Variants in RAB3C observed in about 807,000 individuals in gnomAD.
RAB3C encodes RAB3C, member RAS oncogene family, also known as ras-related protein Rab-3C.
In RAB3C, 17 loss-of-function variants were observed where a neutral mutation model predicts 26.4. That is an observed-to-expected ratio of 0.64 (90% CI 0.44 to 0.97). The LOEUF is 0.97. RAB3C is among the 50% of genes least tolerant of loss of function. The pLI is 0.00. For missense variants in RAB3C, 242 were observed against 281.9 expected, an observed-to-expected ratio of 0.86 and a Z score of 1.01; for synonymous variants, 91 against 95.9, an observed-to-expected ratio of 0.95 and a Z score of 0.30.
chr5:58,766,002 C>A (rs1457040675), intron 3 of RAB3C, among the ~76,000 whole-genome samples: 7 of 152,132 alleles, frequency 4.6e-5, no homozygotes, highest in Non-Finnish European at 7.3e-5. Flanking sequence ...TCCTTTTCAC[C>A]TTCTGCCATA....
Position 58,583,104 on chromosome 5 carries a change from C to A in RAB3C, c.-105C>A. On this transcript the variant is annotated 5_prime_UTR_variant, in exon 1 of 5. Coordinates refer to ENST00000282878, the MANE Select transcript of RAB3C (RefSeq NM_138453.4). ...CTGATGTTGGAGCCGGTTAGCGAAC[C>A]CCAAGAGTGCAGAGTGTGGAGCGTG... The A allele has an allele frequency of 6.3e-7, 1 of 1,587,372 alleles. No individual in the cohort carries two copies. Among genetic ancestry groups the A allele is most frequent in the South Asian group, 1.1e-5 (1 of 88,130 alleles).
chr5:58,808,394 C>T (rs996991768), intron 3 of RAB3C, among the ~76,000 whole-genome samples: 5 of 151,980 alleles, frequency 3.3e-5, no homozygotes, highest in Non-Finnish European at 7.4e-5. Flanking sequence ...AAAGGTACTG[C>T]TCAGAGATAA....
chr5:58,616,324 C>G (rs1169272190), intron 1 of RAB3C, among the ~76,000 whole-genome samples: 1 of 152,108 alleles, frequency 6.6e-6, no homozygotes, highest in Non-Finnish European at 1.5e-5. Flanking sequence ...AATTTTGTTT[C>G]ATGTTAATGT....
rs192118490 is a variant in RAB3C, at chr5:58,801,655, T to C, written c.372-23383T>C. ...CCCAGAAAGGGGATCTTCTATTTTC[T>C]GGCCAGAGGCCAACTCTCTGGAGAT... is the stretch of plus-strand genomic sequence containing the variant. On this transcript the variant is annotated intron_variant, in intron 3 of 4. Transcript: ENST00000282878. Among the ~76,000 whole-genome samples, 108 of 152,396 alleles carry C rather than the reference T, an allele frequency of 7.1e-4. 1 individual carries two copies. Among genetic ancestry groups the C allele is most frequent in the African/African-American group, 2.5e-3 (104 of 41,606 alleles).
At chr5:58,633,598 T>C (rs1747230939) in intron 2 of RAB3C, among the ~76,000 whole-genome samples, 1 of 152,152 alleles carries the variant, frequency 6.6e-6, no homozygotes, top group African/African-American at 2.4e-5. Flanking sequence ...AAAGTCATAT[T>C]ATTAAGAGAT....
At position 58,583,198 on chromosome 5, in the gene RAB3C, A is replaced by G. The variant is rs781040556; in HGVS notation, c.-11A>G. ...GCGGTCCTAGCCAGAGAGAAAGGAC[A>G]TTTGCCAACAATGAGACACGAAGCG... On this transcript the variant is annotated 5_prime_UTR_variant, in exon 1 of 5. Transcript: ENST00000282878. 3 of 1,614,100 alleles carry G rather than the reference A, an allele frequency of 1.9e-6. No individual in the cohort carries two copies. Among genetic ancestry groups the G allele is most frequent in the African/African-American group, 2.7e-5 (2 of 74,952 alleles).
At chr5:58,761,266 A>T (rs1741792454) in intron 3 of RAB3C, among the ~76,000 whole-genome samples, 1 of 152,224 alleles carries the variant, frequency 6.6e-6, no homozygotes, top group Non-Finnish European at 1.5e-5. Flanking sequence ...TTTTAGTAAA[A>T]TATATTGAAG....
In RAB3C at chr5:58,710,599, A is replaced by AAAATATATAAATAAAT. The variant is rs369239366; in HGVS notation, c.253-15398_253-15397insTATAAATAAATAAATA. On this transcript the variant is annotated intron_variant, in intron 2 of 4. Transcript: ENST00000282878. ...GGGCAAAAGAGCAAGACTCTGTCTC[A>AAAATATATAAATAAAT]AAATAAATAAATAAATAAATAAATA... Among the ~76,000 whole-genome samples, 106 of 135,622 alleles carry AAAATATATAAATAAAT rather than the reference A, an allele frequency of 7.8e-4. 1 individual carries two copies. Among genetic ancestry groups the AAAATATATAAATAAAT allele is most frequent in the East Asian group, 2.3e-3 (11 of 4,774 alleles). The allele number at this position is 135,622 out of a possible 152,430, so 89.0% of individuals were successfully genotyped here. A position where few individuals can be genotyped will look rare whatever the true frequency, so the allele number is the denominator to read the frequency against.
At chr5:58,824,949 A>G (rs1743439775) in intron 3 of RAB3C, 89 bp from the exon 4 acceptor site, 2 of 887,372 alleles carry the variant, frequency 2.3e-6, no homozygotes, top group Non-Finnish European at 3.4e-6. Flanking sequence ...TTTTGCTACC[A>G]TCATCATCTG....
intron 4 of RAB3C, among the ~76,000 whole-genome samples, chr5:58,835,181 A>AT (rs917264682): frequency 1.3e-5 from 2 of 151,746 alleles, no homozygotes; most frequent in Non-Finnish European, 2.9e-5. Flanking sequence ...ACCTCTACTT[A>AT]TTTTTTCTCA....
At chr5:58,610,182 A>G (rs56318351) in intron 1 of RAB3C, among the ~76,000 whole-genome samples, 2 of 49,184 alleles carry the variant, frequency 4.1e-5, no homozygotes, top group African/African-American at 1.6e-4. Context: ...GAAAAAAATG[A>G]TTTTTGTTTT....
At chr5:58,725,783 A>G (rs1023196326) in intron 2 of RAB3C, among the ~76,000 whole-genome samples, 3 of 151,902 alleles carry the variant, frequency 2.0e-5, no homozygotes, top group Non-Finnish European at 4.4e-5. Flanking sequence ...AAATCTATTA[A>G]ATTATTACAT....
At chr5:58,599,077 G>A (rs2111681080) in intron 1 of RAB3C, among the ~76,000 whole-genome samples, 1 of 152,204 alleles carries the variant, frequency 6.6e-6, no homozygotes, top group South Asian at 2.1e-4. Flanking sequence ...TTGCCTAAAT[G>A]TTCATGAGTA....
In RAB3C at chr5:58,855,545, A is replaced by G. The variant is rs2112096186; in HGVS notation, c.*4194A>G. ...TGGCCTTTCTGTCACTCCCTGGAAAATGCAACCTCTACAGCTCTGCTCAGC... is the reference window on the plus strand; with the variant it reads ...TGGCCTTTCTGTCACTCCCTGGAAAGTGCAACCTCTACAGCTCTGCTCAGC... On this transcript the variant is annotated 3_prime_UTR_variant, in exon 5 of 5. Transcript: ENST00000282878. 6.6e-6 allele frequency: 1 copy of G among 152,314 alleles called. No homozygotes were observed. The highest frequency in any genetic ancestry group is 6.5e-5 in the Admixed American group (1 of 15,288). 9.4% of individuals were successfully genotyped at this position (152,314 alleles called of 1,614,324 possible).
At chr5:58,619,301 T>C (rs1746885706) in intron 2 of RAB3C, among the ~76,000 whole-genome samples, 1 of 152,186 alleles carries the variant, frequency 6.6e-6, no homozygotes, top group East Asian at 1.9e-4. Context: ...TTTCAGAAAC[T>C]TGACCTCAAT....
chr5:58,673,113 T>C (rs1176810798), intron 2 of RAB3C, among the ~76,000 whole-genome samples: 1 of 152,136 alleles, frequency 6.6e-6, no homozygotes, highest in Non-Finnish European at 1.5e-5. Flanking sequence ...CTTTCAAAAG[T>C]GTTTATTGTG....
chr5:58,625,200 T>C (rs925369029), intron 2 of RAB3C, among the ~76,000 whole-genome samples: 3 of 152,080 alleles, frequency 2.0e-5, no homozygotes, highest in Non-Finnish European at 4.4e-5. Flanking sequence ...GACCAGCCAC[T>C]GTGCATATTT....
chr5:58,618,941 T>C (rs1021265151), intron 2 of RAB3C, among the ~76,000 whole-genome samples: 1 of 151,988 alleles, frequency 6.6e-6, no homozygotes, highest in African/African-American at 2.4e-5. Flanking sequence ...TTCATAAATA[T>C]GGAAAGCTAA....
chr5:58,801,667 A>G (rs1245351994), intron 3 of RAB3C, among the ~76,000 whole-genome samples: 2 of 152,288 alleles, frequency 1.3e-5, no homozygotes, highest in East Asian at 3.8e-4. Context: ...GCCAGAGGCC[A>G]ACTCTCTGGA....
Sources: allele counts gnomAD v4.1 joint callset (sites outside exome capture counted in the v4.1 genomes callset), GRCh38; gene constraint gnomAD v4.1.1; transcripts MANE v1.5; gene names NCBI Gene and HGNC (gene_info 2026-07-23, HGNC 2026-07-21).